HMMR: variants seen among roughly 807,000 people sequenced by gnomAD.
HMMR encodes intracellular hyaluronic acid-binding protein.
A neutral mutation model predicts 101.0 loss-of-function variants in HMMR; 108 were observed. That is an observed-to-expected ratio of 1.07 (90% CI 0.92 to 1.25). The LOEUF is 1.25. Ranked by LOEUF, HMMR falls within the 50% of genes most tolerant of loss-of-function variation. The pLI is 0.00. For missense variants in HMMR, 813 were observed against 788.7 expected, an observed-to-expected ratio of 1.03 and a Z score of -0.37; for synonymous variants, 296 against 276.4, an observed-to-expected ratio of 1.07 and a Z score of -0.70.
At chr5:163,461,922 A>ATT (rs201971095) in intron 1 of HMMR, among the ~76,000 whole-genome samples, 1 of 146,168 alleles carries the variant, frequency 6.8e-6, no homozygotes, top group Non-Finnish European at 1.5e-5. Context: ...TTGCACAATC[A>ATT]GTAAGTGGTA....
intron 10 of HMMR, chr5:163,474,452 T>A: frequency 2.0e-6 from 1 of 490,412 alleles, no homozygotes; most frequent in Non-Finnish European, 3.8e-6. Flanking sequence ...TTTTAAAAAA[T>A]TTTCTGGCTC....
chr5:163,483,766 A>C (rs1273253069), intron 15 of HMMR, among the ~76,000 whole-genome samples: 1 of 152,152 alleles, frequency 6.6e-6, no homozygotes, highest in Non-Finnish European at 1.5e-5. Flanking sequence ...AAAAAAGAAT[A>C]AATGCTGATT....
intron 1 of HMMR, 48 bp from the exon 2 acceptor site, chr5:163,463,808 A>G: frequency 1.4e-6 from 1 of 708,062 alleles, no homozygotes. Context: ...TTAACTTAAG[A>G]TCATAAGTAA....
At chr5:163,463,637 GCCTGTGTTCCTTTGA>G in intron 1 of HMMR, among the ~76,000 whole-genome samples, 1 of 152,242 alleles carries the variant, frequency 6.6e-6, no homozygotes, top group East Asian at 1.9e-4. Context: ...TTGCTCAGTT[GCCTGTGTTCCTTTGA>G]CCCGGTTGAT....
chr5:163,469,743 G>GA lies in HMMR; in HGVS notation c.382dup (p.Thr128AsnfsTer7). ...AGCAAGGCTAAATGCTGCACTAAGG[G>GA]AAAAAACATCTCTCTCTGCAAATAA... On this transcript the variant is annotated frameshift_variant, in exon 5 of 18. Transcript: ENST00000393915. LOFTEE classifies it high-confidence loss of function. 3.1e-6 allele frequency: 5 copies of GA among 1,612,992 alleles called. No homozygotes were observed. The highest frequency in any genetic ancestry group is 4.2e-6 in the Non-Finnish European group (5 of 1,179,186).
chr5:163,463,698 G>A (rs759490251), intron 1 of HMMR, among the ~76,000 whole-genome samples, 158 bp from the exon 2 acceptor site: 8 of 152,066 alleles, frequency 5.3e-5, no homozygotes, highest in Non-Finnish European at 1.0e-4. Context: ...TCATAGAGAG[G>A]CCTTCTTTGT....
At position 163,464,592 on chromosome 5, in the gene HMMR, T is replaced by C. The variant is rs888140473; in HGVS notation, c.146-131T>C. ...TGACACCACTGCAGTCCAGGCTGGG[T>C]GACAGTGAGACTGTCTCAAAAAACA... On this transcript the variant is annotated intron_variant, in intron 2 of 17. Coordinates refer to ENST00000393915, the MANE Select transcript of HMMR (RefSeq NM_001142556.2). 4 of 641,420 alleles carry C rather than the reference T, an allele frequency of 6.2e-6. No homozygotes were observed. The African/African-American group carries it at 7.4e-5, about 12-fold the overall frequency. The allele number at this position is 641,420 out of a possible 1,614,324, so 39.7% of individuals were successfully genotyped here.
At chr5:163,490,341 G>T in intron 16 of HMMR, 49 bp from the exon 17 acceptor site, 2 of 1,266,240 alleles carry the variant, frequency 1.6e-6, no homozygotes, top group South Asian at 2.8e-5. Flanking sequence ...ACATTTCACT[G>T]ACATACTCTT....
chr5:163,485,911 G>C (rs1375692928), intron 16 of HMMR, among the ~76,000 whole-genome samples: 1 of 152,182 alleles, frequency 6.6e-6, no homozygotes, highest in Non-Finnish European at 1.5e-5. Context: ...GAATATTCTT[G>C]CCTCCAGTTA....
At chr5:163,489,919 G>A (rs1049309577) in intron 16 of HMMR, among the ~76,000 whole-genome samples, 3 of 152,220 alleles carry the variant, frequency 2.0e-5, no homozygotes, top group African/African-American at 7.2e-5. Flanking sequence ...AGTGGGAAGA[G>A]GGGAAGGAGT....
chr5:163,475,731 CT>C (rs1759050158), intron 11 of HMMR, 59 bp downstream of exon 11: 17 of 784,730 alleles, frequency 2.2e-5, no homozygotes, highest in African/African-American at 3.5e-5. Flanking sequence ...ATTTTGAGTA[CT>C]TTTTTTAGTA....
chr5:163,491,008 T>C, intron 17 of HMMR, 104 bp from the exon 18 acceptor site: 1 of 570,884 alleles, frequency 1.8e-6, no homozygotes, highest in Non-Finnish European at 3.1e-6. Flanking sequence ...AATATATTGC[T>C]TCATCTGCCT....
At chr5:163,482,361 G>C (rs60731941) in intron 12 of HMMR, among the ~76,000 whole-genome samples, 19 of 152,162 alleles carry the variant, frequency 1.2e-4, no homozygotes, top group Admixed American at 7.9e-4. Context: ...TAAATTGTGA[G>C]TAATTTTCAT....
At chr5:163,479,206 G>A (rs559081306) in intron 12 of HMMR, among the ~76,000 whole-genome samples, 1 of 152,276 alleles carries the variant, frequency 6.6e-6, no homozygotes, top group South Asian at 2.1e-4. Context: ...AACCTATAAA[G>A]AGACCCACAT....
intron 3 of HMMR, 36 bp from the exon 4 acceptor site, chr5:163,467,665 T>C (rs1459185677): frequency 7.9e-7 from 1 of 1,265,676 alleles, no homozygotes; most frequent in Non-Finnish European, 1.1e-6. Flanking sequence ...CTGTGACATC[T>C]AAATTTGCTT....
chr5:163,469,136 G>A (rs1963358), intron 4 of HMMR, among the ~76,000 whole-genome samples: 18,622 of 151,478 alleles, frequency 0.12, 1,714 homozygotes, highest in East Asian at 0.48. Flanking sequence ...AGGCTGAGGC[G>A]GGTGGATCAC....
rs761272507 is a variant in HMMR, at chr5:163,490,419, T to TA, written c.2001dup (p.Gln668ThrfsTer3). On this transcript the variant is annotated frameshift_variant, in exon 17 of 18. Coordinates refer to ENST00000393915, the MANE Select transcript of HMMR (RefSeq NM_001142556.2). LOFTEE classifies it high-confidence loss of function. ...TATCAAAACTCCGCTGTCAGCTTGC[T>TA]AAAAAAAAACAAAGTGAGACAAAAC... 1.6e-3 allele frequency: 2,368 copies of TA among 1,525,478 alleles called. 1 individual carries two copies. Among genetic ancestry groups the TA allele is most frequent in the East Asian group, 2.5e-3 (107 of 43,126 alleles). The allele number at this position is 1,525,478 out of a possible 1,614,324, so 94.5% of individuals were successfully genotyped here. A position where few individuals can be genotyped will look rare whatever the true frequency, so the allele number is the denominator to read the frequency against.
chr5:163,477,430 A>T (rs1295535117), intron 11 of HMMR, among the ~76,000 whole-genome samples: 2 of 152,262 alleles, frequency 1.3e-5, no homozygotes, highest in Non-Finnish European at 2.9e-5. Flanking sequence ...TTTTGTTATT[A>T]ATCTTTTCTG....
intron 12 of HMMR, among the ~76,000 whole-genome samples, chr5:163,480,777 CTT>C (rs1356718234): frequency 3.9e-5 from 6 of 152,040 alleles, no homozygotes; most frequent in Non-Finnish European, 5.9e-5. Context: ...TTGTTTATGA[CTT>C]TTGTTTATTT....
Sources: gnomAD v4.1 joint callset for allele counts (sites outside exome capture counted in the v4.1 genomes callset) on GRCh38, gnomAD v4.1.1 for gene constraint, MANE v1.5 for transcripts, NCBI Gene and HGNC (gene_info 2026-07-23, HGNC 2026-07-21) for gene names.